The following LINC00305 variants were observed in gnomAD, a reference collection of about 807,000 sequenced individuals.
LINC00305 encodes the protein long independently transcribed non-coding RNA 305.
intron 1 of LINC00305, among the ~76,000 whole-genome samples, chr18:64,128,268 C>T (rs1205793875): frequency 1.3e-5 from 2 of 151,998 alleles, no homozygotes; most frequent in East Asian, 3.9e-4. Context: ...TAGAAAGAGC[C>T]TAGCTATTCA....
intron 1 of LINC00305, among the ~76,000 whole-genome samples, chr18:64,124,098 A>G (rs2051374230): frequency 6.6e-6 from 1 of 152,156 alleles, no homozygotes; most frequent in Admixed American, 6.5e-5. Flanking sequence ...GCACTCTGTT[A>G]TAGCAACTCT....
chr18:64,105,931 C>A (rs2051288505), intron 1 of LINC00305, among the ~76,000 whole-genome samples: 1 of 152,192 alleles, frequency 6.6e-6, no homozygotes, highest in Non-Finnish European at 1.5e-5. Flanking sequence ...ATTAGAAAGG[C>A]TTTTATCCCT....
intron 1 of LINC00305, among the ~76,000 whole-genome samples, chr18:64,121,031 G>A (rs2051359595): frequency 6.6e-6 from 1 of 151,906 alleles, no homozygotes; most frequent in African/African-American, 2.4e-5. Flanking sequence ...ATATTATAAA[G>A]AAAGCAATAT....
chr18:64,130,906 G>GA (rs1414587216), intron 1 of LINC00305, among the ~76,000 whole-genome samples: 15 of 152,266 alleles, frequency 9.9e-5, no homozygotes, highest in Non-Finnish European at 2.2e-4. Context: ...ACGCTATTGT[G>GA]AAAGACCTTT....
At chr18:64,097,719 T>C in intron 3 of LINC00305, 3 of 359,660 alleles carry the variant, frequency 8.3e-6, no homozygotes, top group South Asian at 6.6e-5. Flanking sequence ...CACTCTATTA[T>C]CAGAAGTAAT....
chr18:64,097,694 A>G, intron 3 of LINC00305: 1 of 316,112 alleles, frequency 3.2e-6, no homozygotes, highest in Admixed American at 3.9e-5. Context: ...ATTGCAAAAA[A>G]AGTAAAATTT....
intron 1 of LINC00305, among the ~76,000 whole-genome samples, chr18:64,143,688 A>G (rs138480215): frequency 0.051 from 6,950 of 136,638 alleles, 582 homozygotes; most frequent in Non-Finnish European, 0.075. Flanking sequence ...GTATGTCCAC[A>G]TATTATGCGT....
At chr18:64,146,016 T>C (rs559944050) in intron 1 of LINC00305, among the ~76,000 whole-genome samples, 1 of 152,154 alleles carries the variant, frequency 6.6e-6, no homozygotes, top group African/African-American at 2.4e-5. Context: ...AGAAAAAAAG[T>C]GAAATATTAA....
At chr18:64,134,532 C>T (rs1019301448) in intron 1 of LINC00305, among the ~76,000 whole-genome samples, 2 of 152,130 alleles carry the variant, frequency 1.3e-5, no homozygotes, top group African/African-American at 4.8e-5. Flanking sequence ...TTTAGTCAAT[C>T]TTGTTTATTT....
chr18:64,132,299 C>A (rs1185985815), intron 1 of LINC00305, among the ~76,000 whole-genome samples: 1 of 152,190 alleles, frequency 6.6e-6, no homozygotes, highest in African/African-American at 2.4e-5. Context: ...AGCAGTAGCT[C>A]TATTGTTAAA....
At chr18:64,102,087 T>C (rs1439288102) in intron 1 of LINC00305, among the ~76,000 whole-genome samples, 3 of 152,180 alleles carry the variant, frequency 2.0e-5, no homozygotes, top group Admixed American at 2.0e-4. Flanking sequence ...TGTGTTCCGA[T>C]GCCCCCAGTG....
chr18:64,114,631 C>T (rs1183573616), intron 1 of LINC00305, among the ~76,000 whole-genome samples: 1 of 152,202 alleles, frequency 6.6e-6, no homozygotes, highest in Non-Finnish European at 1.5e-5. Context: ...TCACTTCAAC[C>T]TCTGCCTCCT....
At chr18:64,113,126 A>G (rs1003611056) in intron 1 of LINC00305, among the ~76,000 whole-genome samples, 19 of 152,282 alleles carry the variant, frequency 1.2e-4, no homozygotes, top group African/African-American at 4.1e-4. Context: ...CCGTTCTTGC[A>G]CGGTATTCTA....
chr18:64,099,820 A>G (rs2051261113), intron 1 of LINC00305, among the ~76,000 whole-genome samples: 1 of 152,132 alleles, frequency 6.6e-6, no homozygotes, highest in Admixed American at 6.6e-5. Flanking sequence ...AATACTTGAT[A>G]TGTTCTACAT....
At chr18:64,109,434 T>G (rs1022388739) in intron 1 of LINC00305, among the ~76,000 whole-genome samples, 2 of 152,216 alleles carry the variant, frequency 1.3e-5, no homozygotes, top group Non-Finnish European at 2.9e-5. Context: ...GGAATTACAA[T>G]TGGAACTAAC....
intron 1 of LINC00305, among the ~76,000 whole-genome samples, chr18:64,131,438 T>A (rs1173519417): frequency 1.3e-5 from 2 of 152,152 alleles, no homozygotes; most frequent in Non-Finnish European, 2.9e-5. Flanking sequence ...AAAAGCTAAA[T>A]CTACATAGGA....
chr18:64,088,506 G>C (rs1377830076), intron 3 of LINC00305, among the ~76,000 whole-genome samples: 1 of 152,194 alleles, frequency 6.6e-6, no homozygotes, highest in South Asian at 2.1e-4. Context: ...TTGTTGAGGG[G>C]TGCCTGCCTT....
chr18:64,126,952 A>T (rs1354360135), intron 1 of LINC00305, among the ~76,000 whole-genome samples: 3 of 152,112 alleles, frequency 2.0e-5, no homozygotes, highest in Admixed American at 6.5e-5. Flanking sequence ...TTGCAGGAAA[A>T]TTTTTTTCCA....
intron 1 of LINC00305, among the ~76,000 whole-genome samples, chr18:64,136,169 G>A (rs1027178021): frequency 6.6e-6 from 1 of 152,194 alleles, no homozygotes; most frequent in African/African-American, 2.4e-5. Context: ...AGTAATGCTA[G>A]TTAAAAATGT....
Sources: allele counts gnomAD v4.1 joint callset (sites outside exome capture counted in the v4.1 genomes callset), GRCh38; gene constraint gnomAD v4.1.1; transcripts MANE v1.5; gene names NCBI Gene and HGNC (gene_info 2026-07-23, HGNC 2026-07-21).